Variants in ACTR3B observed in about 807,000 individuals in gnomAD.
ACTR3B encodes the protein actin related protein 3B.
A neutral mutation model predicts 59.0 loss-of-function variants in ACTR3B; 8 were observed. The ratio of observed to expected loss-of-function variants is 0.14; its 90% CI spans 0.08 to 0.24. The LOEUF (loss-of-function observed/expected upper bound fraction) is 0.24, where lower values mean the gene tolerates loss of function less well. Among genes scored for constraint, ACTR3B ranks in the 10% least tolerant of loss-of-function variants. The pLI, the probability that ACTR3B is intolerant of heterozygous loss-of-function variation, is 1.00. For synonymous variants in ACTR3B, 148 were observed against 197.9 expected (o/e 0.75, Z 2.12); for missense variants, 245 against 552.3 (o/e 0.44, Z 5.58).
At chr7:152,848,087 A>G (rs1798502387) in intron 9 of ACTR3B, among the ~76,000 whole-genome samples, 1 of 152,230 alleles carries the variant, frequency 6.6e-6, no homozygotes, top group Non-Finnish European at 1.5e-5. Context: ...ATCCTTCAGA[A>G]TAACAATAGC....
intron 5 of ACTR3B, among the ~76,000 whole-genome samples, chr7:152,815,815 A>T (rs1224230009): frequency 6.6e-6 from 1 of 152,236 alleles, no homozygotes; most frequent in Non-Finnish European, 1.5e-5. Flanking sequence ...AAACAACTCC[A>T]CAAGTGACCT....
At chr7:152,786,851 G>T (rs2098176390) in intron 2 of ACTR3B, among the ~76,000 whole-genome samples, 1 of 152,014 alleles carries the variant, frequency 6.6e-6, no homozygotes, top group African/African-American at 2.4e-5. Flanking sequence ...ATAACTTTCT[G>T]CATGGTCTTT....
chr7:152,777,252 G>A lies in ACTR3B; in HGVS notation c.45-5935G>A, dbSNP rs2098138224. 2.6e-5 allele frequency among the ~76,000 whole-genome samples: 4 copies of A among 152,082 alleles called. No individual in the cohort carries two copies. In the South Asian group the frequency reaches 8.3e-4, roughly 32 times the overall value. ...CATTAAATTTGTAGGTAGATTTAGTGATATTCAATATTTCTTTAAAAAATA... is the reference window on the plus strand; with the variant it reads ...CATTAAATTTGTAGGTAGATTTAGTAATATTCAATATTTCTTTAAAAAATA... On this transcript the variant is annotated intron_variant, in intron 1 of 11. Transcript: ENST00000256001.
chr7:152,834,519 A>G (rs922782767), intron 9 of ACTR3B, among the ~76,000 whole-genome samples: 13 of 152,234 alleles, frequency 8.5e-5, no homozygotes, highest in South Asian at 2.1e-4. Flanking sequence ...AGGTAGATAG[A>G]TATGTCCTGT....
At chr7:152,807,870 T>A (rs565755402) in intron 4 of ACTR3B, among the ~76,000 whole-genome samples, 1 of 152,322 alleles carries the variant, frequency 6.6e-6, no homozygotes, top group East Asian at 1.9e-4. Flanking sequence ...TACTTAACTT[T>A]TTTTTATTCT....
chr7:152,819,093 A>G (rs533360513), intron 6 of ACTR3B, among the ~76,000 whole-genome samples: 1 of 152,372 alleles, frequency 6.6e-6, no homozygotes, highest in Non-Finnish European at 1.5e-5. Context: ...TTAGAAAGCT[A>G]ATATTATTTT....
At chr7:152,833,377 C>G (rs1001199764) in intron 9 of ACTR3B, among the ~76,000 whole-genome samples, 32 of 152,190 alleles carry the variant, frequency 2.1e-4, no homozygotes, top group African/African-American at 7.2e-4. Context: ...ATTGCAGTCC[C>G]TGGGTTCAGT....
chr7:152,829,044 GTATA>G (rs749504905), intron 9 of ACTR3B, among the ~76,000 whole-genome samples: 1 of 143,838 alleles, frequency 7.0e-6, no homozygotes, highest in African/African-American at 2.8e-5. Flanking sequence ...GTGTGTGTGT[GTATA>G]TATATATATA....
intron 4 of ACTR3B, chr7:152,812,818 G>A (rs1280071858): frequency 1.5e-5 from 2 of 129,344 alleles, no homozygotes; most frequent in African/African-American, 5.7e-5. Context: ...CCTGTCGTAG[G>A]GGTGTATTAG....
At chr7:152,765,686 CT>C (rs1334047465) in intron 1 of ACTR3B, among the ~76,000 whole-genome samples, 1 of 152,078 alleles carries the variant, frequency 6.6e-6, no homozygotes, top group Non-Finnish European at 1.5e-5. Context: ...TGTATGAAGG[CT>C]TTTGGTCTCC....
At position 152,854,703 on chromosome 7, in the gene ACTR3B, C is replaced by G. The variant is rs11103; in HGVS notation, c.*150C>G. The G allele has an allele frequency of 1.4e-6, 1 of 737,236 alleles. No homozygotes were observed. Among genetic ancestry groups the G allele is most frequent in the Non-Finnish European group, 2.2e-6 (1 of 449,230 alleles). 45.7% of individuals were successfully genotyped at this position (737,236 alleles called of 1,614,324 possible). A position where few individuals can be genotyped will look rare whatever the true frequency, so the allele number is the denominator to read the frequency against. On this transcript the variant is annotated 3_prime_UTR_variant, in exon 12 of 12. Coordinates refer to ENST00000256001, the MANE Select transcript of ACTR3B (RefSeq NM_020445.6). This position sits in a 1 kb window ranked among gnomAD's most constrained non-coding sequence, Gnocchi z 4.9. ...GCCGGTGCATGAGGCGCGGCGCGGG[C>G]CCTTCAGTAAAAGCCATTTATCCGT...
intron 2 of ACTR3B, among the ~76,000 whole-genome samples, chr7:152,796,860 G>GTTTT (rs779909545): frequency 1.8e-5 from 1 of 54,738 alleles, no homozygotes; most frequent in African/African-American, 6.9e-5. Context: ...TAGTTTTTGT[G>GTTTT]TTTTTTTTTT....
At chr7:152,762,062 C>T (rs116692014) in intron 1 of ACTR3B, among the ~76,000 whole-genome samples, 3,186 of 152,188 alleles carry the variant, frequency 0.021, 102 homozygotes, top group African/African-American at 0.072. Flanking sequence ...AAGCATTGAG[C>T]TATACATAGT....
chr7:152,840,835 C>G (rs1322527621), intron 9 of ACTR3B, among the ~76,000 whole-genome samples: 1 of 13,958 alleles, frequency 7.2e-5, no homozygotes, highest in Non-Finnish European at 1.7e-4. Context: ...CGGCTTAGGG[C>G]CGGGCGGTTC....
At chr7:152,797,626 T>G (rs1172859457) in intron 2 of ACTR3B, among the ~76,000 whole-genome samples, 1 of 152,200 alleles carries the variant, frequency 6.6e-6, no homozygotes, top group Non-Finnish European at 1.5e-5. Flanking sequence ...TCTTGTAATT[T>G]ATTTCTCCTA....
intron 1 of ACTR3B, among the ~76,000 whole-genome samples, chr7:152,768,977 C>G (rs1212346326): frequency 6.6e-6 from 1 of 151,636 alleles, no homozygotes; most frequent in Admixed American, 6.6e-5. Context: ...CTCAGCCTCC[C>G]GAGGAGCTGG....
intron 1 of ACTR3B, among the ~76,000 whole-genome samples, chr7:152,762,575 T>C (rs1195136500): frequency 6.6e-6 from 1 of 152,172 alleles, no homozygotes; most frequent in Non-Finnish European, 1.5e-5. Flanking sequence ...TGAGGACACA[T>C]TTTCCCTTCT....
At chr7:152,846,889 A>G (rs913885911) in intron 9 of ACTR3B, among the ~76,000 whole-genome samples, 4 of 142,350 alleles carry the variant, frequency 2.8e-5, no homozygotes, top group African/African-American at 5.4e-5. Context: ...AGTGAGCCCC[A>G]GCGCCCGGGC....
At chr7:152,853,376 T>C in intron 10 of ACTR3B, 118 bp from the exon 11 acceptor site, 1 of 794,418 alleles carries the variant, frequency 1.3e-6, no homozygotes, top group Non-Finnish European at 2.1e-6. Context: ...TGTGAGGTGG[T>C]GCTCGTGCCA....
Sources: allele counts gnomAD v4.1 joint callset (sites outside exome capture counted in the v4.1 genomes callset), GRCh38; gene constraint gnomAD v4.1.1; non-coding constraint Gnocchi (gnomAD v3.1); transcripts MANE v1.5; gene names NCBI Gene and HGNC (gene_info 2026-07-23, HGNC 2026-07-21).